Variants in LRFN5 observed in about 807,000 individuals in gnomAD.
LRFN5 encodes the protein leucine rich repeat and fibronectin type III domain containing 5, also known as leucine-rich repeat and fibronectin type-III domain-containing protein 5.
A neutral mutation model predicts 45.6 loss-of-function variants in LRFN5; 24 were observed. That is an observed-to-expected ratio of 0.53 (90% CI 0.38 to 0.74). LRFN5 has a LOEUF of 0.74. Ranked by LOEUF, LRFN5 falls within the 30% of genes least tolerant of loss-of-function variation. The pLI is 0.00. For synonymous variants in LRFN5, 340 were observed against 313.8 expected, an observed-to-expected ratio of 1.08 and a Z score of -0.88; for missense variants, 776 against 861.5, an observed-to-expected ratio of 0.90 and a Z score of 1.24.
chr14:41,781,337 T>A (rs1037745950), intron 2 of LRFN5, among the ~76,000 whole-genome samples: 3 of 151,782 alleles, frequency 2.0e-5, no homozygotes, highest in African/African-American at 7.3e-5. Flanking sequence ...GCCTGGGCAA[T>A]GTAGTGAAAC....
intron 1 of LRFN5, among the ~76,000 whole-genome samples, chr14:41,613,176 A>G (rs1043968428): frequency 1.3e-5 from 2 of 152,250 alleles, no homozygotes; most frequent in Admixed American, 6.5e-5. Flanking sequence ...ATTGGTTTTC[A>G]TAGACAATGT....
intron 1 of LRFN5, among the ~76,000 whole-genome samples, chr14:41,765,891 T>A (rs207474719): frequency 6.6e-6 from 1 of 152,188 alleles, no homozygotes; most frequent in African/African-American, 2.4e-5. Flanking sequence ...AAATTCCTAA[T>A]TATTGAGTAT....
At chr14:41,756,741 CCTT>C (rs1452674835) in intron 1 of LRFN5, among the ~76,000 whole-genome samples, 1 of 152,096 alleles carries the variant, frequency 6.6e-6, no homozygotes, top group Non-Finnish European at 1.5e-5. Context: ...TCGTCTGAAG[CCTT>C]CTTCTTTCAA....
At chr14:41,801,088 A>G (rs1416708793) in intron 2 of LRFN5, among the ~76,000 whole-genome samples, 1 of 152,138 alleles carries the variant, frequency 6.6e-6, no homozygotes, top group East Asian at 1.9e-4. Context: ...ATATTACATA[A>G]TATACATGTG....
intron 2 of LRFN5, among the ~76,000 whole-genome samples, chr14:41,782,947 T>C (rs1166631415): frequency 2.7e-5 from 4 of 149,364 alleles, no homozygotes; most frequent in Non-Finnish European, 5.9e-5. Context: ...GGCTATAATC[T>C]TTACAAGTGT....
At chr14:41,733,840 A>G (rs568311838) in intron 1 of LRFN5, among the ~76,000 whole-genome samples, 1 of 151,268 alleles carries the variant, frequency 6.6e-6, no homozygotes, top group Non-Finnish European at 1.5e-5. Context: ...TGATTTATGA[A>G]CAATGGTTCC....
chr14:41,776,324 T>C (rs575406813), intron 2 of LRFN5, among the ~76,000 whole-genome samples: 29 of 152,202 alleles, frequency 1.9e-4, no homozygotes, highest in Non-Finnish European at 3.4e-4. Flanking sequence ...AAGGAAGGTA[T>C]TGAAGGAAAT....
At chr14:41,822,953 T>G (rs528509248) in intron 2 of LRFN5, among the ~76,000 whole-genome samples, 2 of 151,602 alleles carry the variant, frequency 1.3e-5, no homozygotes, top group South Asian at 4.2e-4. Context: ...TTGTCTATTA[T>G]CAGTGTAGCT....
chr14:41,892,351 G>A (rs1890815772), intron 4 of LRFN5: 1 of 983,600 alleles, frequency 1.0e-6, no homozygotes, highest in Non-Finnish European at 1.2e-6. Flanking sequence ...ATACTGGAAG[G>A]AAACATAAAT....
chr14:41,662,854 T>C (rs970118885), intron 1 of LRFN5, among the ~76,000 whole-genome samples: 2 of 152,118 alleles, frequency 1.3e-5, no homozygotes, highest in Non-Finnish European at 2.9e-5. Flanking sequence ...AAATTCTGCA[T>C]CCATTGATCC....
intron 1 of LRFN5, among the ~76,000 whole-genome samples, chr14:41,682,308 A>G (rs1881937559): frequency 6.6e-6 from 1 of 152,002 alleles, no homozygotes; most frequent in East Asian, 1.9e-4. Flanking sequence ...TAGACAGTAT[A>G]ATAAGATACA....
At chr14:41,752,890 T>A (rs1410688336) in intron 1 of LRFN5, among the ~76,000 whole-genome samples, 5 of 152,252 alleles carry the variant, frequency 3.3e-5, no homozygotes, top group Non-Finnish European at 7.3e-5. Context: ...AGGGTTTTTA[T>A]GGTTTTAGGT....
chr14:41,876,335 C>A (rs1016062848), intron 2 of LRFN5, among the ~76,000 whole-genome samples: 5 of 128,640 alleles, frequency 3.9e-5, no homozygotes, highest in African/African-American at 1.5e-4. Context: ...GGCTGGAGTG[C>A]AGTGGTGCCA....
At chr14:41,736,164 C>T (rs1324451711) in intron 1 of LRFN5, among the ~76,000 whole-genome samples, 1 of 152,108 alleles carries the variant, frequency 6.6e-6, no homozygotes, top group Non-Finnish European at 1.5e-5. Flanking sequence ...GGTTCTAGAT[C>T]CTTGAGGAAT....
At chr14:41,832,632 G>A (rs562483152) in intron 2 of LRFN5, among the ~76,000 whole-genome samples, 1 of 152,196 alleles carries the variant, frequency 6.6e-6, no homozygotes, top group African/African-American at 2.4e-5. Flanking sequence ...GCTAGTTGTG[G>A]TGCATTAACC....
chr14:41,746,649 C>G (rs1427368449), intron 1 of LRFN5, among the ~76,000 whole-genome samples: 2 of 151,742 alleles, frequency 1.3e-5, no homozygotes, highest in African/African-American at 4.8e-5. Context: ...CTACTGTGTA[C>G]TCACAAAAAT....
At chr14:41,694,023 T>C (rs564156774) in intron 1 of LRFN5, among the ~76,000 whole-genome samples, 5 of 152,138 alleles carry the variant, frequency 3.3e-5, no homozygotes, top group African/African-American at 1.2e-4. Flanking sequence ...ATTGAAATGT[T>C]TGTATATGTT....
Position 41,607,121 on chromosome 14 carries a change from C to G in LRFN5, c.-1638C>G, listed in dbSNP as rs1440777489. ...GGCGGTGAGCGTGTGCAGAGCTGCC[C>G]GAACGGAGGACTATGTATGTGTGTG... On this transcript the variant is annotated 5_prime_UTR_variant, in exon 1 of 6. Transcript: ENST00000298119. Among the ~76,000 whole-genome samples, 2 of 152,120 alleles carry G rather than the reference C, an allele frequency of 1.3e-5. No homozygotes were observed. Among genetic ancestry groups the G allele is most frequent in the East Asian group, 1.9e-4 (1 of 5,166 alleles).
intron 1 of LRFN5, among the ~76,000 whole-genome samples, chr14:41,732,129 A>C (rs1057418344): frequency 8.5e-5 from 13 of 152,130 alleles, no homozygotes; most frequent in Non-Finnish European, 1.9e-4. Context: ...CACTTCAGCT[A>C]CCCATCCCCT....
Sources: allele counts gnomAD v4.1 joint callset (sites outside exome capture counted in the v4.1 genomes callset), GRCh38; gene constraint gnomAD v4.1.1; transcripts MANE v1.5; gene names NCBI Gene and HGNC (gene_info 2026-07-23, HGNC 2026-07-21).